ZDHHC14: variants seen among roughly 807,000 people sequenced by gnomAD.
ZDHHC14 encodes zDHHC palmitoyltransferase 14.
A neutral mutation model predicts 47.7 loss-of-function variants in ZDHHC14; 16 were observed. The observed-to-expected ratio is 0.34, with a 90% CI of 0.23 to 0.51. ZDHHC14 has a LOEUF of 0.51. ZDHHC14 is among the 20% of genes least tolerant of loss of function. ZDHHC14 has a pLI of 0.97. For synonymous variants in ZDHHC14, 293 were observed against 278.9 expected, an observed-to-expected ratio of 1.05 and a Z score of -0.50; for missense variants, 515 against 662.5, an observed-to-expected ratio of 0.78 and a Z score of 2.44.
intron 2 of ZDHHC14, among the ~76,000 whole-genome samples, chr6:157,571,790 T>TC (rs1386688300): frequency 6.6e-6 from 1 of 151,226 alleles, no homozygotes; most frequent in African/African-American, 2.4e-5. Context: ...TTTTTTTTTT[T>TC]TTTTTTTGAG....
chr6:157,528,859 CATTA>C (rs745632807), intron 1 of ZDHHC14, among the ~76,000 whole-genome samples: 58 of 134,548 alleles, frequency 4.3e-4, no homozygotes, highest in Non-Finnish European at 7.1e-4. Context: ...TGGGAGTGGG[CATTA>C]ATTAATTAAT....
intron 1 of ZDHHC14, among the ~76,000 whole-genome samples, chr6:157,467,710 T>C: frequency 6.6e-6 from 1 of 152,012 alleles, no homozygotes; most frequent in East Asian, 1.9e-4. Context: ...CCAACACGTC[T>C]GGCTAATTTT....
Position 157,382,904 on chromosome 6 carries a change from C to T in ZDHHC14, c.245+638C>T, listed in dbSNP as rs549018658. Among the ~76,000 whole-genome samples the T allele has an allele frequency of 1.1e-4, 16 of 152,236 alleles. No individual in the cohort carries two copies. The South Asian group carries it at 1.7e-3, about 16-fold the overall frequency. On this transcript the variant is annotated intron_variant, in intron 1 of 8. Coordinates refer to ENST00000359775, the MANE Select transcript of ZDHHC14 (RefSeq NM_024630.3). ...ATGAGGTTTCTAAACTCTTCACTTT[C>T]AAAAAGGTTGCAATAAAAGGTGTCC...
chr6:157,547,281 T>G (rs1256019592), intron 2 of ZDHHC14, among the ~76,000 whole-genome samples: 1 of 152,234 alleles, frequency 6.6e-6, no homozygotes, highest in African/African-American at 2.4e-5. Flanking sequence ...TTTCTTGTAG[T>G]ACGCAGAACC....
chr6:157,580,734 G>GTT lies in ZDHHC14; in HGVS notation c.407-12248_407-12247dup, dbSNP rs1554269458. Among the ~76,000 whole-genome samples, 117 of 151,458 alleles carry GTT rather than the reference G, an allele frequency of 7.7e-4. 2 individuals are homozygous for GTT. Among genetic ancestry groups the GTT allele is most frequent in the African/African-American group, 2.7e-3 (112 of 41,162 alleles). ...GTTTTGTGTGTGTGTGTGTGTGTGT[G>GTT]TTTTTTTCTTTGTATTTCTCTGGGG... On this transcript the variant is annotated intron_variant, in intron 2 of 8. Coordinates refer to ENST00000359775, the MANE Select transcript of ZDHHC14 (RefSeq NM_024630.3).
rs746307047 is a variant in ZDHHC14 at position 157,502,675 on chromosome 6, TTTTTGTTTTG to T, written c.246-39896_246-39887del. Among the ~76,000 whole-genome samples the T allele has an allele frequency of 1.3e-5, 2 of 152,056 alleles. No homozygotes were observed. Among genetic ancestry groups the T allele is most frequent in the African/African-American group, 4.8e-5 (2 of 41,402 alleles). On this transcript the variant is annotated intron_variant, in intron 1 of 8. Transcript: ENST00000359775. This position sits in a 1 kb window ranked among gnomAD's most constrained non-coding sequence, Gnocchi z 4.0. The stretch of plus-strand genomic sequence containing the variant: ...TGGCTCATAGTTTTTGTTGTGTTTG[TTTTTGTTTTG>T]TTTTGTTTTGTTTGTTTGTTTTTTA...
intron 2 of ZDHHC14, among the ~76,000 whole-genome samples, chr6:157,574,636 CCCTGGTCA>C (rs1783231963): frequency 6.6e-6 from 1 of 152,216 alleles, no homozygotes; most frequent in African/African-American, 2.4e-5. Flanking sequence ...CCAAGACTCA[CCCTGGTCA>C]CCTGCCTGGC....
intron 7 of ZDHHC14, among the ~76,000 whole-genome samples, chr6:157,652,514 A>G (rs2114991057): frequency 6.6e-6 from 1 of 152,300 alleles, no homozygotes; most frequent in African/African-American, 2.4e-5. Context: ...TTCTGCCCTT[A>G]GACTCAAGGT....
rs371025248 is a variant in ZDHHC14, at chr6:157,453,788, T to TTGTGTGTGTG, written c.245+71542_245+71551dup. On this transcript the variant is annotated intron_variant, in intron 1 of 8. Transcript: ENST00000359775. Reference sequence around the variant, plus strand: ...TTCTAAGGCCATTGTTTTTTGTGTTTTGTGTGTGTGTGTGTGTGTGTGTGT... The same window carrying TTGTGTGTGTG: ...TTCTAAGGCCATTGTTTTTTGTGTTTTGTGTGTGTGTGTGTGTGTGTGTGTGTGTGTGTGT... 5.6e-3 allele frequency among the ~76,000 whole-genome samples: 833 copies of TTGTGTGTGTG among 148,134 alleles called. 2 individuals are homozygous for TTGTGTGTGTG. The highest frequency in any genetic ancestry group is 5.5e-3 in the African/African-American group (217 of 39,568).
chr6:157,548,421 T>TTTG (rs767143505), intron 2 of ZDHHC14, among the ~76,000 whole-genome samples: 14 of 136,330 alleles, frequency 1.0e-4, no homozygotes, highest in Admixed American at 2.9e-4. Context: ...TGTTCTTGTT[T>TTTG]TTGTTGTTGT....
intron 8 of ZDHHC14, among the ~76,000 whole-genome samples, chr6:157,666,262 GT>G (rs1778551824): frequency 6.6e-6 from 1 of 152,258 alleles, no homozygotes; most frequent in East Asian, 1.9e-4. Flanking sequence ...CTACAATTTT[GT>G]TTTTAGAAAA....
rs183044538 is a variant in ZDHHC14 at position 157,386,412 on chromosome 6, G to A, written c.245+4146G>A. 5.9e-5 allele frequency among the ~76,000 whole-genome samples: 9 copies of A among 152,246 alleles called. No individual in the cohort carries two copies. In the East Asian group the frequency reaches 1.5e-3, roughly 26 times the overall value. On this transcript the variant is annotated intron_variant, in intron 1 of 8. Transcript: ENST00000359775. ...CTTTGTGTGAGTCCAGGGAACCTCT[G>A]TGAAGCTGTGGCTTTGCTGTTACCC...
intron 8 of ZDHHC14, among the ~76,000 whole-genome samples, chr6:157,664,957 G>C (rs911161424): frequency 1.3e-5 from 2 of 152,142 alleles, no homozygotes; most frequent in Non-Finnish European, 2.9e-5. Context: ...AGCCACTTCA[G>C]CTTTCTCGCA....
chr6:157,517,870 T>G (rs1174881121), intron 1 of ZDHHC14, among the ~76,000 whole-genome samples: 1 of 152,226 alleles, frequency 6.6e-6, no homozygotes, highest in Non-Finnish European at 1.5e-5. Flanking sequence ...AGGAGGGTTT[T>G]TAAAAGTGTC....
intron 2 of ZDHHC14, among the ~76,000 whole-genome samples, chr6:157,543,247 T>G (rs1009712400): frequency 1.3e-5 from 2 of 152,236 alleles, no homozygotes; most frequent in Non-Finnish European, 2.9e-5. Context: ...GATGAATAGC[T>G]TTATTTTTCC....
intron 1 of ZDHHC14, among the ~76,000 whole-genome samples, chr6:157,464,786 C>A (rs1340725034): frequency 6.6e-6 from 1 of 152,210 alleles, no homozygotes; most frequent in Non-Finnish European, 1.5e-5. Flanking sequence ...CTGGTTAGGC[C>A]ATTTCATGCA....
At chr6:157,540,237 G>T (rs994625047) in intron 1 of ZDHHC14, among the ~76,000 whole-genome samples, 21 of 152,334 alleles carry the variant, frequency 1.4e-4, no homozygotes, top group African/African-American at 4.6e-4. Context: ...AGGGGGTGGA[G>T]GTGATGAGAG....
chr6:157,583,409 G>A (rs1783581451), intron 2 of ZDHHC14, among the ~76,000 whole-genome samples: 2 of 152,082 alleles, frequency 1.3e-5, no homozygotes, highest in African/African-American at 4.8e-5. Flanking sequence ...TGTTTTCAGA[G>A]GACCAAGGCT....
intron 5 of ZDHHC14, among the ~76,000 whole-genome samples, chr6:157,642,064 A>AGATAGATG (rs1777282023): frequency 6.6e-6 from 1 of 151,300 alleles, no homozygotes; most frequent in South Asian, 2.1e-4. Context: ...ATAGATAGAT[A>AGATAGATG]GATAGTTATC....
Sources: gnomAD v4.1 joint callset for allele counts (sites outside exome capture counted in the v4.1 genomes callset) on GRCh38, gnomAD v4.1.1 for gene constraint, Gnocchi (gnomAD v3.1) non-coding constraint, MANE v1.5 for transcripts, NCBI Gene and HGNC (gene_info 2026-07-23, HGNC 2026-07-21) for gene names.